CSMD1: variants seen among roughly 807,000 people sequenced by gnomAD.
CSMD1 encodes CUB and sushi domain-containing protein 1.
Under a neutral mutation model 417.5 loss-of-function variants are expected in CSMD1, and 213 were observed. The observed-to-expected ratio is 0.51, with a 90% CI of 0.46 to 0.57. The LOEUF (loss-of-function observed/expected upper bound fraction) is 0.57, where lower values mean the gene tolerates loss of function less well. CSMD1 is among the 20% of genes least tolerant of loss of function. The pLI, the probability that CSMD1 is intolerant of heterozygous loss-of-function variation, is 0.00. For synonymous variants in CSMD1, 2,862 were observed against 1,736.8 expected, an observed-to-expected ratio of 1.65 and a Z score of -16.11; for missense variants, 6,923 against 4,529.7, an observed-to-expected ratio of 1.53 and a Z score of -15.17.
At chr8:3,228,629 G>A (rs934307024) in intron 27 of CSMD1, among the ~76,000 whole-genome samples, 2 of 151,980 alleles carry the variant, frequency 1.3e-5, no homozygotes, top group African/African-American at 4.8e-5. Flanking sequence ...ACAGAAGATC[G>A]ATTTGTTTAT....
In CSMD1 at chr8:4,329,170, C is replaced by T. The variant is rs149453763; in HGVS notation, c.415+90783G>A. 3.9e-3 allele frequency among the ~76,000 whole-genome samples: 591 copies of T among 152,124 alleles called. 4 individuals carry two copies. The highest frequency in any genetic ancestry group is 0.013 in the African/African-American group (560 of 41,490). On this transcript the variant is annotated intron_variant, in intron 3 of 69. Transcript: ENST00000635120. ...CTTGAATGCACGGTTCTCATCAAGC[C>T]CATAATGGAGAATAACAAGTATAGA...
chr8:3,982,770 G>A (rs1449045753), intron 5 of CSMD1, among the ~76,000 whole-genome samples: 1 of 152,134 alleles, frequency 6.6e-6, no homozygotes, highest in Non-Finnish European at 1.5e-5. Flanking sequence ...ACAGATAATG[G>A]ACAGGGCCAG....
At chr8:3,175,065 T>A (rs920228095) in intron 37 of CSMD1, among the ~76,000 whole-genome samples, 1 of 152,198 alleles carries the variant, frequency 6.6e-6, no homozygotes, top group Non-Finnish European at 1.5e-5. Context: ...ATCACAAAAT[T>A]ATCTACATAT....
At chr8:4,404,077 C>T (rs76066847) in intron 3 of CSMD1, among the ~76,000 whole-genome samples, 4,125 of 152,216 alleles carry the variant, frequency 0.027, 172 homozygotes, top group African/African-American at 0.093. Context: ...GAGCTTTTTA[C>T]GTGCTTTTAC....
chr8:4,749,274 T>C (rs1811155677), intron 1 of CSMD1, among the ~76,000 whole-genome samples: 1 of 152,264 alleles, frequency 6.6e-6, no homozygotes, highest in Admixed American at 6.5e-5. Context: ...TTATAAATTT[T>C]ACTACAGATT....
intron 1 of CSMD1, among the ~76,000 whole-genome samples, chr8:4,752,818 G>A (rs1207069908): frequency 6.6e-6 from 1 of 152,146 alleles, no homozygotes; most frequent in Non-Finnish European, 1.5e-5. Context: ...GAGAAAGAAG[G>A]ATGGAGGCAA....
chr8:4,576,650 A>G (rs1223812151), intron 2 of CSMD1, among the ~76,000 whole-genome samples: 1 of 152,124 alleles, frequency 6.6e-6, no homozygotes, highest in Non-Finnish European at 1.5e-5. Flanking sequence ...ATATTTTTGG[A>G]TACATGAAAA....
At chr8:3,501,736 C>A (rs536380231) in intron 10 of CSMD1, among the ~76,000 whole-genome samples, 4 of 152,058 alleles carry the variant, frequency 2.6e-5, no homozygotes, top group Non-Finnish European at 4.4e-5. Context: ...ATTATTAACA[C>A]GGTTGCAAGA....
At chr8:4,227,189 G>A (rs954528654) in intron 3 of CSMD1, among the ~76,000 whole-genome samples, 2 of 152,096 alleles carry the variant, frequency 1.3e-5, no homozygotes, top group Non-Finnish European at 2.9e-5. Context: ...GGTTGCTGAG[G>A]GACGTTTAAG....
intron 8 of CSMD1, among the ~76,000 whole-genome samples, chr8:3,599,937 T>C (rs1173010051): frequency 6.6e-6 from 1 of 152,202 alleles, no homozygotes; most frequent in Non-Finnish European, 1.5e-5. Flanking sequence ...GCAGGACGTC[T>C]TAAAGCAAAG....
At chr8:3,686,255 T>C (rs1446860587) in intron 7 of CSMD1, among the ~76,000 whole-genome samples, 2 of 152,302 alleles carry the variant, frequency 1.3e-5, no homozygotes, top group East Asian at 3.9e-4. Context: ...ATCAGAGCGC[T>C]TGGAATACAA....
intron 1 of CSMD1, among the ~76,000 whole-genome samples, chr8:4,844,180 G>A (rs1195903126): frequency 6.6e-6 from 1 of 152,066 alleles, no homozygotes; most frequent in Non-Finnish European, 1.5e-5. Flanking sequence ...ACTACACGTA[G>A]CACTGGAAAA....
At chr8:4,916,223 A>C (rs533217198) in intron 1 of CSMD1, among the ~76,000 whole-genome samples, 1 of 152,340 alleles carries the variant, frequency 6.6e-6, no homozygotes, top group African/African-American at 2.4e-5. Context: ...GATGACCACA[A>C]TTATAAAACT....
intron 1 of CSMD1, among the ~76,000 whole-genome samples, chr8:4,826,337 T>C (rs1174760772): frequency 1.3e-5 from 2 of 152,074 alleles, no homozygotes; most frequent in African/African-American, 4.8e-5. Context: ...ATACATATAA[T>C]ACATATATAA....
At chr8:4,167,817 C>G (rs1229329448) in intron 3 of CSMD1, among the ~76,000 whole-genome samples, 1 of 152,046 alleles carries the variant, frequency 6.6e-6, no homozygotes, top group African/African-American at 2.4e-5. Context: ...TACTCAGACT[C>G]CATCTCTACC....
At chr8:3,352,605 C>T (rs564157107) in intron 21 of CSMD1, among the ~76,000 whole-genome samples, 11 of 152,052 alleles carry the variant, frequency 7.2e-5, no homozygotes, top group South Asian at 4.2e-4. Flanking sequence ...TTTGGGAGCG[C>T]GAGGCAGGCA....
At chr8:3,803,170 CAAT>C (rs1286006896) in intron 5 of CSMD1, among the ~76,000 whole-genome samples, 2 of 151,922 alleles carry the variant, frequency 1.3e-5, no homozygotes, top group African/African-American at 4.8e-5. Context: ...ATGCTGAAAG[CAAT>C]ATAAAATCAT....
intron 1 of CSMD1, among the ~76,000 whole-genome samples, chr8:4,925,878 A>G (rs1018234833): frequency 1.9e-4 from 29 of 152,154 alleles, no homozygotes; most frequent in African/African-American, 7.0e-4. Flanking sequence ...GTGAAATGGC[A>G]TTCTGTCATG....
chr8:4,863,390 G>C (rs548343423), intron 1 of CSMD1, among the ~76,000 whole-genome samples: 3 of 152,174 alleles, frequency 2.0e-5, no homozygotes, highest in South Asian at 2.1e-4. Context: ...CTTAAGTAAA[G>C]AGAATGCCTT....
Sources: allele counts gnomAD v4.1 joint callset (sites outside exome capture counted in the v4.1 genomes callset), GRCh38; gene constraint gnomAD v4.1.1; transcripts MANE v1.5; gene names NCBI Gene and HGNC (gene_info 2026-07-23, HGNC 2026-07-21).